The following RSRC1 variants were observed in gnomAD, a reference collection of about 807,000 sequenced individuals.
RSRC1 encodes arginine and serine rich coiled-coil 1.
RSRC1 carries 39 observed loss-of-function variants against 49.1 expected under a neutral mutation model. The ratio of observed to expected loss-of-function variants is 0.79; its 90% CI spans 0.61 to 1.04. The LOEUF is 1.04. Among genes scored for constraint, RSRC1 ranks in the 50% least tolerant of loss-of-function variants. RSRC1 has a pLI of 0.00. For synonymous variants in RSRC1, 143 were observed against 130.8 expected (o/e 1.09, Z -0.63); for missense variants, 388 against 402.4 (o/e 0.96, Z 0.31).
intron 3 of RSRC1, among the ~76,000 whole-genome samples, chr3:158,149,846 C>A (rs4271876): frequency 0.59 from 90,088 of 151,932 alleles, 26,968 homozygotes; most frequent in East Asian, 0.71. Context: ...CTGGCAACCT[C>A]AAGGGAACTC....
At chr3:158,469,255 AACTAGTTTAAAAGATGGCCAAG>A in intron 7 of RSRC1, 1 of 356,764 alleles carries the variant, frequency 2.8e-6, no homozygotes, top group Non-Finnish European at 5.4e-6. Flanking sequence ...TTTTATAGTT[AACTAGTTTAAAAGATGGCCAAG>A]AATTATAATT....
At chr3:158,145,991 CTT>C (rs1206891220) in intron 3 of RSRC1, among the ~76,000 whole-genome samples, 5 of 152,148 alleles carry the variant, frequency 3.3e-5, no homozygotes, top group African/African-American at 1.2e-4. Flanking sequence ...TATCCTGAGA[CTT>C]TGCTGAAGTT....
At position 158,541,889 on chromosome 3, in the gene RSRC1, G is replaced by C. The variant is rs148060911; in HGVS notation, c.760-1446G>C. Among the ~76,000 whole-genome samples the C allele has an allele frequency of 1.1e-4, 17 of 152,108 alleles. No homozygotes were observed. The East Asian group carries it at 3.3e-3, about 30-fold the overall frequency. On this transcript the variant is annotated intron_variant, in intron 8 of 9. Coordinates refer to ENST00000611884, the MANE Select transcript of RSRC1 (RefSeq NM_001271838.2). ...AATGTAACTAAGTAAGCACTACTCT[G>C]CTGGCTCCTTCAAGGCAGAAACAAT...
chr3:158,335,329 G>A (rs1490576776), intron 5 of RSRC1, among the ~76,000 whole-genome samples: 1 of 152,132 alleles, frequency 6.6e-6, no homozygotes, highest in Non-Finnish European at 1.5e-5. Flanking sequence ...TAGAGGGTTT[G>A]GCATGAGTGA....
chr3:158,176,638 A>T (rs958324608), intron 3 of RSRC1, among the ~76,000 whole-genome samples: 4 of 152,202 alleles, frequency 2.6e-5, no homozygotes, highest in African/African-American at 9.7e-5. Context: ...CTTATACAAA[A>T]ATTAATTCAA....
intron 7 of RSRC1, among the ~76,000 whole-genome samples, chr3:158,495,051 A>C (rs1739258368): frequency 6.6e-6 from 1 of 152,210 alleles, no homozygotes; most frequent in African/African-American, 2.4e-5. Flanking sequence ...TGTTTCCACC[A>C]GCATCACCAC....
intron 4 of RSRC1, among the ~76,000 whole-genome samples, chr3:158,295,104 G>A (rs932022557): frequency 2.0e-5 from 3 of 152,104 alleles, no homozygotes; most frequent in Admixed American, 6.6e-5. Flanking sequence ...GACATGCCCC[G>A]AGTGTTAATG....
intron 6 of RSRC1, among the ~76,000 whole-genome samples, chr3:158,388,628 T>TTTTTG (rs1162371742): frequency 3.2e-4 from 46 of 145,302 alleles, no homozygotes; most frequent in African/African-American, 1.2e-3. Flanking sequence ...TTTTTTTTTT[T>TTTTTG]GAGACTGAGT....
intron 5 of RSRC1, among the ~76,000 whole-genome samples, chr3:158,345,067 A>T (rs1243213511): frequency 6.6e-6 from 1 of 152,036 alleles, no homozygotes. Flanking sequence ...AAAAAATAAA[A>T]AAAAAAAAAA....
At chr3:158,275,528 C>G (rs1215261618) in intron 4 of RSRC1, among the ~76,000 whole-genome samples, 2 of 152,170 alleles carry the variant, frequency 1.3e-5, no homozygotes, top group Non-Finnish European at 2.9e-5. Context: ...CAGTACTCCT[C>G]TTTTAAAGAA....
At chr3:158,329,974 G>A (rs979732870) in intron 5 of RSRC1, among the ~76,000 whole-genome samples, 1 of 152,212 alleles carries the variant, frequency 6.6e-6, no homozygotes, top group Non-Finnish European at 1.5e-5. Flanking sequence ...CTTGCAGTTC[G>A]ATCTCAGAGT....
intron 3 of RSRC1, among the ~76,000 whole-genome samples, chr3:158,170,483 C>T (rs1369426107): frequency 2.0e-5 from 3 of 152,114 alleles, no homozygotes; most frequent in African/African-American, 7.2e-5. Context: ...CCCATTTTCC[C>T]CACTAATTAC....
intron 5 of RSRC1, among the ~76,000 whole-genome samples, chr3:158,316,801 A>G (rs1728491479): frequency 6.6e-6 from 1 of 152,154 alleles, no homozygotes; most frequent in Non-Finnish European, 1.5e-5. Context: ...TCTTGGTGCA[A>G]ACAAAGCATT....
intron 6 of RSRC1, among the ~76,000 whole-genome samples, chr3:158,426,800 T>G (rs1359913964): frequency 3.3e-5 from 5 of 151,732 alleles, no homozygotes; most frequent in African/African-American, 9.7e-5. Context: ...TTAGATAATG[T>G]TCTAAAAAAA....
intron 3 of RSRC1, among the ~76,000 whole-genome samples, chr3:158,153,074 A>G (rs189458989): frequency 2.6e-5 from 4 of 152,270 alleles, no homozygotes; most frequent in Non-Finnish European, 4.4e-5. Context: ...TTTCCAGACA[A>G]CCTACCTCTG....
intron 7 of RSRC1, among the ~76,000 whole-genome samples, chr3:158,484,892 C>T (rs983856585): frequency 1.3e-5 from 2 of 152,040 alleles, no homozygotes; most frequent in Non-Finnish European, 2.9e-5. Context: ...CCAGTTATAG[C>T]AGGAAAATAT....
At chr3:158,309,164 T>C (rs1229526015) in intron 5 of RSRC1, among the ~76,000 whole-genome samples, 1 of 151,924 alleles carries the variant, frequency 6.6e-6, no homozygotes, top group African/African-American at 2.4e-5. Context: ...AATTACATTA[T>C]TATGCACCAA....
At chr3:158,383,644 T>C (rs79048902) in intron 6 of RSRC1, among the ~76,000 whole-genome samples, 1,676 of 152,262 alleles carry the variant, frequency 0.011, 42 homozygotes, top group African/African-American at 0.038. Context: ...TCACCAACTA[T>C]GATGGGGAGG....
At chr3:158,365,687 G>A (rs752227348) in intron 6 of RSRC1, among the ~76,000 whole-genome samples, 1 of 152,136 alleles carries the variant, frequency 6.6e-6, no homozygotes, top group Non-Finnish European at 1.5e-5. Context: ...TGGGTCAAAT[G>A]GGATTTCTGG....
Sources: allele counts gnomAD v4.1 joint callset (sites outside exome capture counted in the v4.1 genomes callset), GRCh38; gene constraint gnomAD v4.1.1; transcripts MANE v1.5; gene names NCBI Gene and HGNC (gene_info 2026-07-23, HGNC 2026-07-21).